Variants in CHRM3 observed in about 807,000 individuals in gnomAD.
CHRM3 encodes the protein cholinergic receptor muscarinic 3, also known as muscarinic acetylcholine receptor M3.
CHRM3 carries 11 observed loss-of-function variants against 41.8 expected under a neutral mutation model. The ratio of observed to expected loss-of-function variants is 0.26; its 90% CI spans 0.17 to 0.44. CHRM3 has a LOEUF of 0.44. CHRM3 is among the 20% of genes least tolerant of loss of function. CHRM3 has a pLI of 1.00. For missense variants in CHRM3, 571 were observed against 745.4 expected, an observed-to-expected ratio of 0.77 and a Z score of 2.72; for synonymous variants, 297 against 301.4, an observed-to-expected ratio of 0.99 and a Z score of 0.15.
At chr1:239,509,926 A>T (rs564671463) in intron 2 of CHRM3, among the ~76,000 whole-genome samples, 9 of 152,196 alleles carry the variant, frequency 5.9e-5, no homozygotes, top group Non-Finnish European at 1.2e-4. Context: ...CGTCTCTATT[A>T]AAAAATACCA....
At chr1:239,829,771 T>G (rs1174890303) in intron 6 of CHRM3, among the ~76,000 whole-genome samples, 1 of 152,164 alleles carries the variant, frequency 6.6e-6, no homozygotes, top group East Asian at 1.9e-4. Context: ...ACCCTCTCTG[T>G]GCTCAATTTC....
intron 6 of CHRM3, among the ~76,000 whole-genome samples, chr1:239,850,143 A>AT (rs1205513204): frequency 6.6e-6 from 1 of 152,164 alleles, no homozygotes; most frequent in Non-Finnish European, 1.5e-5. Context: ...ATTGACACAT[A>AT]TTTTGTTTGT....
At chr1:239,823,785 A>G (rs1257985677) in intron 5 of CHRM3, among the ~76,000 whole-genome samples, 1 of 152,068 alleles carries the variant, frequency 6.6e-6, no homozygotes, top group East Asian at 1.9e-4. Flanking sequence ...TGTCTTTTTT[A>G]AGTAAAATGA....
intron 5 of CHRM3, among the ~76,000 whole-genome samples, chr1:239,700,934 A>G (rs527662284): frequency 1.3e-3 from 191 of 152,246 alleles, no homozygotes; most frequent in South Asian, 3.7e-3. Flanking sequence ...CCCGTACTGT[A>G]GATATGATGT....
chr1:239,718,754 A>AT (rs1662645861), intron 5 of CHRM3: 1 of 152,026 alleles, frequency 6.6e-6, no homozygotes, highest in African/African-American at 2.4e-5. Context: ...ACTAGTAGCA[A>AT]TTTAACTACC....
At chr1:239,480,048 T>G (rs987761118) in intron 1 of CHRM3, among the ~76,000 whole-genome samples, 2 of 152,262 alleles carry the variant, frequency 1.3e-5, no homozygotes, top group Non-Finnish European at 2.9e-5. Context: ...TCATCATATA[T>G]GCAATCTGTA....
intron 5 of CHRM3, among the ~76,000 whole-genome samples, chr1:239,802,864 C>G (rs1214799795): frequency 6.6e-6 from 1 of 152,166 alleles, no homozygotes; most frequent in East Asian, 1.9e-4. Flanking sequence ...TCCCAAAGTG[C>G]TGGGATTATA....
At chr1:239,585,569 G>A (rs1663320960) in intron 3 of CHRM3, among the ~76,000 whole-genome samples, 1 of 152,168 alleles carries the variant, frequency 6.6e-6, no homozygotes, top group Admixed American at 6.5e-5. Flanking sequence ...AGCAGTACCT[G>A]AGAGTGAATG....
Position 239,579,035 on chromosome 1 carries a change from A to C in CHRM3, c.-313+33286A>C, listed in dbSNP as rs549448923. Among the ~76,000 whole-genome samples the C allele has an allele frequency of 2.6e-5, 4 of 152,350 alleles. No individual in the cohort carries two copies. The East Asian group carries it at 7.7e-4, about 29-fold the overall frequency. On this transcript the variant is annotated intron_variant, in intron 3 of 6. Coordinates refer to ENST00000676153, the MANE Select transcript of CHRM3 (RefSeq NM_001375978.1). ...TTACTAGAATTAATTATTAGCATGA[A>C]TGTTTCACCACTTATCTCAAATAAA... is the stretch of plus-strand genomic sequence containing the variant.
intron 6 of CHRM3, among the ~76,000 whole-genome samples, chr1:239,892,359 T>C (rs1441297122): frequency 6.6e-6 from 1 of 152,234 alleles, no homozygotes; most frequent in Admixed American, 6.5e-5. Context: ...GGTGGTACTT[T>C]CATTGAAATA....
chr1:239,670,834 A>T (rs1034053973), intron 4 of CHRM3, among the ~76,000 whole-genome samples: 2 of 151,372 alleles, frequency 1.3e-5, no homozygotes, highest in Non-Finnish European at 2.9e-5. Context: ...GTTTGGGGTG[A>T]CTGTGGATAG....
At chr1:239,570,042 G>A (rs536819591) in intron 3 of CHRM3, among the ~76,000 whole-genome samples, 171 of 152,194 alleles carry the variant, frequency 1.1e-3, no homozygotes, top group Non-Finnish European at 1.8e-3. Context: ...AAAGTTCAGG[G>A]TGATTGATAT....
At chr1:239,808,065 T>C (rs995191473) in intron 5 of CHRM3, among the ~76,000 whole-genome samples, 1 of 152,166 alleles carries the variant, frequency 6.6e-6, no homozygotes, top group African/African-American at 2.4e-5. Context: ...TCTTTATCGG[T>C]AATCGTCTGC....
chr1:239,602,569 A>G (rs1185244397), intron 3 of CHRM3, among the ~76,000 whole-genome samples: 2 of 152,272 alleles, frequency 1.3e-5, no homozygotes, highest in Admixed American at 1.3e-4. Flanking sequence ...TGTGCAAGTA[A>G]TTATTTACAA....
intron 4 of CHRM3, among the ~76,000 whole-genome samples, chr1:239,661,343 A>G (rs1573179621): frequency 6.6e-6 from 1 of 152,214 alleles, no homozygotes; most frequent in Non-Finnish European, 1.5e-5. Flanking sequence ...TTTAGGTAGT[A>G]TCTTTCAAAT....
intron 4 of CHRM3, among the ~76,000 whole-genome samples, chr1:239,652,880 T>C (rs950867505): frequency 1.3e-5 from 2 of 152,228 alleles, no homozygotes; most frequent in Non-Finnish European, 2.9e-5. Context: ...TTAAGAACTA[T>C]TTTGTAGAAG....
At chr1:239,650,913 A>G (rs569179009) in intron 4 of CHRM3, among the ~76,000 whole-genome samples, 2 of 152,200 alleles carry the variant, frequency 1.3e-5, no homozygotes, top group Non-Finnish European at 2.9e-5. Flanking sequence ...ATATGTAAAT[A>G]TGTGTAAATT....
Position 239,546,762 on chromosome 1 carries a change from T to A in CHRM3, c.-313+1013T>A, listed in dbSNP as rs149503665. ...ATTTTGTCTATTAGGTTTTTACACA[T>A]GAAGGAGAAAGATATATTAGATACT... On this transcript the variant is annotated intron_variant, in intron 3 of 6. Coordinates refer to ENST00000676153, the MANE Select transcript of CHRM3 (RefSeq NM_001375978.1). 12 of 152,284 alleles carry A rather than the reference T, an allele frequency of 7.9e-5. 1 individual carries two copies. Among genetic ancestry groups the A allele is most frequent in the Admixed American group, 7.2e-4 (11 of 15,298 alleles). The allele number at this position is 152,284 out of a possible 1,614,324, so 9.4% of individuals were successfully genotyped here. A position where few individuals can be genotyped will look rare whatever the true frequency, so the allele number is the denominator to read the frequency against.
intron 3 of CHRM3, among the ~76,000 whole-genome samples, chr1:239,598,496 G>A (rs2148673113): frequency 6.6e-6 from 1 of 152,252 alleles, no homozygotes; most frequent in Non-Finnish European, 1.5e-5. Flanking sequence ...TTTGATTGAA[G>A]TCATGTTAAA....
Sources: allele counts gnomAD v4.1 joint callset (sites outside exome capture counted in the v4.1 genomes callset), GRCh38; gene constraint gnomAD v4.1.1; transcripts MANE v1.5; gene names NCBI Gene and HGNC (gene_info 2026-07-23, HGNC 2026-07-21).